PACRG: variants seen among roughly 807,000 people sequenced by gnomAD.
PACRG encodes the protein parkin coregulated.
In PACRG, 29 loss-of-function variants were observed where a neutral mutation model predicts 29.7. That is an observed-to-expected ratio of 0.98 (90% CI 0.73 to 1.33). PACRG has a LOEUF of 1.33. Ranked by LOEUF, PACRG falls within the 40% of genes most tolerant of loss-of-function variation. The pLI, the probability that PACRG is intolerant of heterozygous loss-of-function variation, is 0.00. For missense variants in PACRG, 279 were observed against 316.2 expected (o/e 0.88, Z 0.89); for synonymous variants, 116 against 118.7 (o/e 0.98, Z 0.15).
At chr6:163,289,226 CA>C (rs1413752870) in intron 4 of PACRG, among the ~76,000 whole-genome samples, 2 of 152,194 alleles carry the variant, frequency 1.3e-5, no homozygotes, top group African/African-American at 4.8e-5. Context: ...CGCTGGTGTG[CA>C]GAGTATTTGC....
At chr6:163,223,007 T>C (rs1211837050) in intron 4 of PACRG, among the ~76,000 whole-genome samples, 1 of 152,236 alleles carries the variant, frequency 6.6e-6, no homozygotes, top group African/African-American at 2.4e-5. Flanking sequence ...AGTGTACAGA[T>C]TGATCTTGCC....
intron 3 of PACRG, among the ~76,000 whole-genome samples, chr6:163,086,632 G>C (rs950850889): frequency 1.3e-5 from 2 of 152,110 alleles, no homozygotes; most frequent in Non-Finnish European, 2.9e-5. Flanking sequence ...CGTTGCTAGG[G>C]GGGATGAATC....
At chr6:163,311,876 T>C (rs1785432022) in intron 4 of PACRG, among the ~76,000 whole-genome samples, 1 of 152,190 alleles carries the variant, frequency 6.6e-6, no homozygotes, top group African/African-American at 2.4e-5. Flanking sequence ...TCTGGGGCAG[T>C]GGAAAAGCAG....
At chr6:162,908,270 A>T (rs1341012110) in intron 2 of PACRG, among the ~76,000 whole-genome samples, 1 of 152,236 alleles carries the variant, frequency 6.6e-6, no homozygotes, top group Admixed American at 6.5e-5. Context: ...TCACATACAT[A>T]CCTGCTAAGT....
intron 1 of PACRG, among the ~76,000 whole-genome samples, chr6:162,808,235 T>C (rs1176063544): frequency 3.3e-5 from 5 of 152,236 alleles, no homozygotes; most frequent in Non-Finnish European, 7.3e-5. Context: ...AGTCCAGTCC[T>C]GACAGAACTC....
intron 2 of PACRG, among the ~76,000 whole-genome samples, chr6:162,954,293 G>T (rs1799862486): frequency 6.6e-6 from 1 of 152,084 alleles, no homozygotes; most frequent in Non-Finnish European, 1.5e-5. Context: ...TGGTTATTTA[G>T]CTGTGAAAAT....
intron 2 of PACRG, among the ~76,000 whole-genome samples, chr6:162,903,608 GA>G (rs1196243692): frequency 2.0e-5 from 3 of 152,130 alleles, no homozygotes; most frequent in African/African-American, 7.2e-5. Context: ...CAGTATGGGG[GA>G]AACTGCCCCC....
intron 2 of PACRG, among the ~76,000 whole-genome samples, chr6:162,993,168 G>A (rs1212827844): frequency 6.6e-6 from 1 of 151,632 alleles, no homozygotes; most frequent in African/African-American, 2.4e-5. Flanking sequence ...CAAGTATGTG[G>A]TCAATTTTAG....
At chr6:163,228,316 G>A (rs940245320) in intron 4 of PACRG, among the ~76,000 whole-genome samples, 2 of 130,290 alleles carry the variant, frequency 1.5e-5, no homozygotes, top group African/African-American at 5.8e-5. Flanking sequence ...CTTAATCTAC[G>A]CCTGAAAATG....
chr6:162,963,697 A>G (rs956791865), intron 2 of PACRG, among the ~76,000 whole-genome samples: 9 of 150,664 alleles, frequency 6.0e-5, no homozygotes, highest in African/African-American at 2.2e-4. Flanking sequence ...TTATAAATTT[A>G]TAATTTTATA....
chr6:162,737,421 A>C (rs188722558), intron 1 of PACRG, among the ~76,000 whole-genome samples: 2 of 152,332 alleles, frequency 1.3e-5, no homozygotes, highest in East Asian at 3.9e-4. Context: ...ACATAGTATG[A>C]TGGGGAAGAT....
At chr6:162,736,433 G>A (rs1780168624) in intron 1 of PACRG, among the ~76,000 whole-genome samples, 2 of 152,110 alleles carry the variant, frequency 1.3e-5, no homozygotes, top group Non-Finnish European at 2.9e-5. Flanking sequence ...TTCATGATGG[G>A]AGCAAGATAG....
rs898799398 is a variant in PACRG, at chr6:162,734,387, T to C, written c.156+5996T>C. On this transcript the variant is annotated intron_variant, in intron 1 of 4. Transcript: ENST00000366888. ...CATTTTGATTTTGGAAGGTATAAAT[T>C]TTGACTTATTTTCCCTAAATGGCCA... Among the ~76,000 whole-genome samples, 4 of 152,294 alleles carry C rather than the reference T, an allele frequency of 2.6e-5. No individual in the cohort carries two copies. The East Asian group carries it at 7.7e-4, about 29-fold the overall frequency.
At chr6:162,764,769 A>G (rs895148808) in intron 1 of PACRG, among the ~76,000 whole-genome samples, 7 of 150,370 alleles carry the variant, frequency 4.7e-5, no homozygotes, top group African/African-American at 9.8e-5. Flanking sequence ...TTTGAGACAG[A>G]GTCTTGCTCT....
At chr6:162,790,389 G>T (rs994497750) in intron 1 of PACRG, among the ~76,000 whole-genome samples, 12 of 152,052 alleles carry the variant, frequency 7.9e-5, no homozygotes, top group African/African-American at 2.7e-4. Context: ...TTTGTGCTTT[G>T]TCTTTCTTTT....
intron 2 of PACRG, among the ~76,000 whole-genome samples, chr6:162,865,991 G>T (rs1792268086): frequency 1.3e-5 from 2 of 152,246 alleles, no homozygotes; most frequent in East Asian, 1.9e-4. Flanking sequence ...TCTAATGCAT[G>T]AAAGAAATAT....
intron 2 of PACRG, among the ~76,000 whole-genome samples, chr6:162,911,587 C>G (rs749653537): frequency 6.6e-6 from 1 of 152,152 alleles, no homozygotes; most frequent in South Asian, 2.1e-4. Flanking sequence ...TTGTAGGTCT[C>G]CCCTGGGGCA....
intron 2 of PACRG, among the ~76,000 whole-genome samples, chr6:162,928,793 A>G (rs1554306588): frequency 6.6e-6 from 1 of 151,854 alleles, no homozygotes; most frequent in Non-Finnish European, 1.5e-5. Context: ...AACCTCTGGT[A>G]ACAACCAATT....
intron 4 of PACRG, among the ~76,000 whole-genome samples, chr6:163,233,600 G>C (rs972296137): frequency 3.9e-5 from 6 of 152,260 alleles, no homozygotes; most frequent in Admixed American, 6.5e-5. Context: ...AAGGGATAAA[G>C]ACAGTCCAAG....
Sources: gnomAD v4.1 joint callset for allele counts (sites outside exome capture counted in the v4.1 genomes callset) on GRCh38, gnomAD v4.1.1 for gene constraint, MANE v1.5 for transcripts, NCBI Gene and HGNC (gene_info 2026-07-23, HGNC 2026-07-21) for gene names.